The following PLCH2 variants were observed in gnomAD, a reference collection of about 807,000 sequenced individuals.
PLCH2 encodes 1-phosphatidylinositol 4,5-bisphosphate phosphodiesterase eta-2.
Under a neutral mutation model 134.7 loss-of-function variants are expected in PLCH2, and 98 were observed. The ratio of observed to expected loss-of-function variants is 0.73; its 90% CI spans 0.62 to 0.86. The LOEUF (loss-of-function observed/expected upper bound fraction) is 0.86, where lower values mean the gene tolerates loss of function less well. Ranked by LOEUF, PLCH2 falls within the 40% of genes least tolerant of loss-of-function variation. The pLI is 0.00. For missense variants in PLCH2, 1,994 were observed against 1,986.6 expected, an observed-to-expected ratio of 1.00 and a Z score of -0.07; for synonymous variants, 974 against 827.5, an observed-to-expected ratio of 1.18 and a Z score of -3.04.
chr1:2,465,224 A>C (rs534856251), upstream of PLCH2, among the ~76,000 whole-genome samples: 126 of 152,256 alleles, frequency 8.3e-4, 1 homozygote, highest in South Asian at 0.024. Flanking sequence ...CCAAGGAGAG[A>C]TCCAGCCAGG....
chr1:2,420,266 T>A, the PLCH2 span, among the ~76,000 whole-genome samples: 24 of 152,102 alleles, frequency 1.6e-4, no homozygotes, highest in Non-Finnish European at 2.6e-4. Flanking sequence ...CACCTACCTC[T>A]TGTCCTTCCT....
rs373737146 is a variant in PLCH2, at chr1:2,491,172, C to A, written c.1516-20C>A. On this transcript the variant is annotated intron_variant, in intron 10 of 21. Transcript: ENST00000378486. ...AGGGCTCGGGACAGATGCCAACAGG[C>A]CGGCCTCTGGCTCCTGCAGGCATCC... The A allele has an allele frequency of 1.1e-5, 18 of 1,605,284 alleles. No homozygotes were observed. The African/African-American group carries it at 2.3e-4, about 20-fold the overall frequency.
chr1:2,453,255 G>A (rs1053705301), intron 2 of PLCH2, among the ~76,000 whole-genome samples: 1 of 152,176 alleles, frequency 6.6e-6, no homozygotes, highest in Admixed American at 6.5e-5. Flanking sequence ...TGGTCTGTGG[G>A]CGCCGTGCTC....
chr1:2,471,677 G>A (rs1041366340), upstream of PLCH2, among the ~76,000 whole-genome samples: 1 of 152,208 alleles, frequency 6.6e-6, no homozygotes, highest in Non-Finnish European at 1.5e-5. Context: ...GTGGAAGGTG[G>A]AGGGCAGGTC....
chr1:2,421,906 A>G (rs955404558), upstream of PLCH2, among the ~76,000 whole-genome samples: 1 of 151,996 alleles, frequency 6.6e-6, no homozygotes, highest in Non-Finnish European at 1.5e-5. Flanking sequence ...CCTGGGAAGC[A>G]GAGGCTGCAG....
chr1:2,504,320 G>T lies in PLCH2; in HGVS notation c.3358G>T (p.Val1120Leu), dbSNP rs112164726. Reference protein sequence around the residue: ...PLAAPFPAPAVYSDATGSDPL... With the variant: ...PLAAPFPAPALYSDATGSDPL... Reference sequence around the variant, plus strand: ...GGCCGCTCCCTTTCCAGCTCCTGCCGTGTACTCCGATGCCACGGGCAGTGA... The same window carrying T: ...GGCCGCTCCCTTTCCAGCTCCTGCCTTGTACTCCGATGCCACGGGCAGTGA... The change falls in exon 22 of 22, where the codon GTG (valine) becomes TTG (leucine). Residue 1120 changes from valine to leucine, a missense_variant. Around this residue, in one of 2 missense-constraint regions of PLCH2, gnomAD observed 900 missense variants for 752.3 expected, o/e 1.20. Transcript: ENST00000378486. 5.0e-6 allele frequency: 8 copies of T among 1,608,638 alleles called. No homozygotes were observed. Among genetic ancestry groups the T allele is most frequent in the Non-Finnish European group, 6.8e-6 (8 of 1,178,536 alleles).
rs1167034127 is a variant in PLCH2, at chr1:2,499,513, G to A, written c.2582-128G>A. ...GGTAGTGCTGGGCCCACAGGAGGCA[G>A]AGGCCCCAGGCCTGGGCTTGTTGGG... On this transcript the variant is annotated intron_variant, in intron 19 of 21. Transcript: ENST00000378486. The A allele has an allele frequency of 6.6e-6, 5 of 762,098 alleles. No individual in the cohort carries two copies. In the South Asian group the frequency reaches 7.8e-5, roughly 12 times the overall value. The allele number at this position is 762,098 out of a possible 1,614,324, so 47.2% of individuals were successfully genotyped here.
upstream of PLCH2, among the ~76,000 whole-genome samples, chr1:2,422,328 G>A (rs1163698750): frequency 2.0e-5 from 3 of 152,148 alleles, no homozygotes; most frequent in South Asian, 2.1e-4. Context: ...GAAATAACAC[G>A]TTAACATTTT....
chr1:2,487,549 C>T (rs910332516), intron 7 of PLCH2, 49 bp from the exon 8 acceptor site: 1 of 1,585,332 alleles, frequency 6.3e-7, no homozygotes, highest in South Asian at 1.2e-5. Flanking sequence ...CCTGCCTGGG[C>T]TCACTGTGGC....
chr1:2,467,380 A>G, upstream of PLCH2: 1 of 381,062 alleles, frequency 2.6e-6, no homozygotes, highest in Non-Finnish European at 4.6e-6. Flanking sequence ...GCCAAGGGTT[A>G]AGTGGGCGGG....
At chr1:2,416,492 C>G in the PLCH2 span, among the ~76,000 whole-genome samples, 1 of 152,170 alleles carries the variant, frequency 6.6e-6, no homozygotes, top group Non-Finnish European at 1.5e-5. Flanking sequence ...CCCTGGGAGC[C>G]GCACTCCACC....
intron 15 of PLCH2, 82 bp downstream of exon 15, chr1:2,497,092 A>G: frequency 7.2e-7 from 1 of 1,386,404 alleles, no homozygotes; most frequent in Non-Finnish European, 9.9e-7. Context: ...CGAGCAGGGG[A>G]CCCGCTGGGG....
rs570757016 is a variant in PLCH2 at position 2,505,065 on chromosome 1, G to C, written c.4103G>C (p.Arg1368Pro). 6.5e-7 allele frequency: 1 copy of C among 1,538,532 alleles called. No homozygotes were observed. Among genetic ancestry groups the C allele is most frequent in the Non-Finnish European group, 8.7e-7 (1 of 1,149,606 alleles). Reference sequence around the variant, plus strand: ...CAGCAGAGACTGCAGGGCCTGGGCCGGCAGGGACCCCCAGAAGAGGAGCGG... The same window carrying C: ...CAGCAGAGACTGCAGGGCCTGGGCCCGCAGGGACCCCCAGAAGAGGAGCGG... ...ERQQRLQGLG[R>P]QGPPEEERGT... The change falls in exon 22 of 22, where the codon CGG (arginine) becomes CCG (proline). Residue 1368 changes from arginine (R) to proline (P), a missense_variant. Physicochemically the swap from Arg to Pro is moderately radical, Grantham distance 103. Around this residue, in one of 2 missense-constraint regions of PLCH2, gnomAD observed 900 missense variants for 752.3 expected, o/e 1.20. Transcript: ENST00000378486.
At chr1:2,463,131 G>A (rs1640902305), upstream of PLCH2, among the ~76,000 whole-genome samples, 3 of 152,204 alleles carry the variant, frequency 2.0e-5, no homozygotes, top group Admixed American at 6.5e-5. Context: ...TAATTAGGAC[G>A]TTCTGTGCAC....
chr1:2,422,201 G>A (rs1349714598), upstream of PLCH2, among the ~76,000 whole-genome samples: 2 of 152,016 alleles, frequency 1.3e-5, no homozygotes, highest in Admixed American at 6.6e-5. Context: ...CCCAGGAGGT[G>A]GAAGTTGCAG....
In PLCH2 at chr1:2,478,606, G is replaced by A; in HGVS notation, c.255G>A (p.Lys85=). 1 of 1,610,556 alleles carries A rather than the reference G, an allele frequency of 6.2e-7. No homozygotes were observed. Among genetic ancestry groups the A allele is most frequent in the Non-Finnish European group, 8.5e-7 (1 of 1,178,920 alleles). The change falls in exon 2 of 22, where the codon AAG becomes AAA. Residue 85 remains lysine (K), a synonymous_variant. Coordinates refer to ENST00000378486, the MANE Select transcript of PLCH2 (RefSeq NM_014638.4). The part of the protein sequence containing the change: ...RSCIRWRPSR[K]NEKAKISIDS... ...GCATCCGCTGGAGGCCCTCACGCAA[G>A]AACGAGAAGGCCAAGAGTGAGTGGG... is the stretch of plus-strand genomic sequence containing the variant.
Position 2,433,502 on chromosome 1 carries a change from G to T in PLCH2, c.115+2873G>T, listed in dbSNP as rs561697841. 5.3e-5 allele frequency among the ~76,000 whole-genome samples: 8 copies of T among 152,290 alleles called. No individual in the cohort carries two copies. The East Asian group carries it at 1.5e-3, about 29-fold the overall frequency. On this transcript the variant is annotated intron_variant, in intron 2 of 3. Coordinates refer to the PLCH2 transcript ENST00000609981. Reference sequence around the variant, plus strand: ...TGTCCCCGCCATTCTCACTGAGCTGGAGCTGGAGCGGCTCAGTCTCGGTGC... The same window carrying T: ...TGTCCCCGCCATTCTCACTGAGCTGTAGCTGGAGCGGCTCAGTCTCGGTGC...
rs1557943107 is a variant in PLCH2 at position 2,436,345 on chromosome 1, T to TCCTCCC, written c.115+5716_115+5717insCCTCCC. 1.1e-3 allele frequency among the ~76,000 whole-genome samples: 5 copies of TCCTCCC among 4,348 alleles called. 2 individuals are homozygous for TCCTCCC. The highest frequency in any genetic ancestry group is 0.056 in the East Asian group (2 of 36). 2.9% of individuals were successfully genotyped at this position (4,348 alleles called of 152,430 possible). ...CCCTCCTCCCTTCCTCCCTCCACCT[T>TCCTCCC]TCCTCCCTTCCTCCCTCCTCCCTTC... On this transcript the variant is annotated intron_variant, in intron 2 of 3. Coordinates refer to the PLCH2 transcript ENST00000609981.
chr1:2,499,717 T>A lies in PLCH2; in HGVS notation c.2658T>A (p.Gly886=). ...ATGTGGCTGTCAGTGACATCAGCGG[T>A]AAGGTGAGTGTCACCCCCTGCCACC... ...FVHVAVSDIS[G]KVKQALGLKG... Residue 886 remains glycine, a synonymous_variant, in exon 20 of 22, where the codon GGT becomes GGA. Transcript: ENST00000378486. 1 of 1,580,686 alleles carries A rather than the reference T, an allele frequency of 6.3e-7. No homozygotes were observed.
Sources: allele counts gnomAD v4.1 joint callset (sites outside exome capture counted in the v4.1 genomes callset), GRCh38; gene constraint gnomAD v4.1.1; regional missense constraint gnomAD v4.1.1; transcripts MANE v1.5; gene names NCBI Gene and HGNC (gene_info 2026-07-23, HGNC 2026-07-21).